Variants in MAP4 observed in about 807,000 individuals in gnomAD.
The protein encoded by MAP4 is microtubule-associated protein 4.
MAP4 carries 76 observed loss-of-function variants against 170.2 expected under a neutral mutation model. The observed-to-expected ratio is 0.45, with a 90% CI of 0.37 to 0.54. MAP4 has a LOEUF of 0.54. MAP4 is among the 20% of genes least tolerant of loss of function. The pLI is 0.00. For missense variants in MAP4, 2,506 were observed against 2,748.0 expected, an observed-to-expected ratio of 0.91 and a Z score of 1.97; for synonymous variants, 909 against 994.5, an observed-to-expected ratio of 0.91 and a Z score of 1.62.
intron 1 of MAP4, among the ~76,000 whole-genome samples, chr3:48,008,073 G>A (rs894721721): frequency 2.0e-5 from 3 of 152,214 alleles, no homozygotes; most frequent in Non-Finnish European, 2.9e-5. Context: ...TGAGCTGGGT[G>A]CTTTCAGACC....
At chr3:47,944,785 G>A (rs1182324741) in intron 3 of MAP4, among the ~76,000 whole-genome samples, 4 of 150,812 alleles carry the variant, frequency 2.7e-5, no homozygotes, top group Admixed American at 6.6e-5. Context: ...ATCCCCTATA[G>A]AAGAATCTAT....
At chr3:47,970,750 G>A (rs1487808224) in intron 3 of MAP4, among the ~76,000 whole-genome samples, 1 of 152,178 alleles carries the variant, frequency 6.6e-6, no homozygotes, top group African/African-American at 2.4e-5. Flanking sequence ...CTGGGAGACG[G>A]AGGTTGCAGT....
chr3:47,984,574 G>A (rs902585591), intron 2 of MAP4, among the ~76,000 whole-genome samples: 4 of 152,078 alleles, frequency 2.6e-5, no homozygotes, highest in African/African-American at 4.8e-5. Flanking sequence ...GCTCATGCCT[G>A]TAATCCTAGC....
chr3:47,950,593 C>A (rs940383297), intron 3 of MAP4, among the ~76,000 whole-genome samples: 122 of 151,414 alleles, frequency 8.1e-4, no homozygotes, highest in African/African-American at 8.2e-4. Context: ...AAAAAAAAAA[C>A]CAAAAACAAA....
chr3:47,863,931 T>TGGGTGTGG (rs2074099983), intron 17 of MAP4, among the ~76,000 whole-genome samples: 1 of 126,742 alleles, frequency 7.9e-6, no homozygotes, highest in African/African-American at 3.4e-5. Flanking sequence ...GGTGTGTGTG[T>TGGGTGTGG]GTGTGTGGGG....
At chr3:47,993,441 G>T (rs1578957653) in intron 2 of MAP4, among the ~76,000 whole-genome samples, 1 of 152,162 alleles carries the variant, frequency 6.6e-6, no homozygotes, top group East Asian at 1.9e-4. Flanking sequence ...AATTGAAGAG[G>T]ATTGACAATT....
chr3:47,915,135 T>A (rs1417924289), intron 7 of MAP4, among the ~76,000 whole-genome samples, 196 bp from the exon 8 acceptor site: 2 of 151,020 alleles, frequency 1.3e-5, no homozygotes, highest in Admixed American at 1.3e-4. Flanking sequence ...TTTTTTGAGA[T>A]GGAGTTTTTC....
chr3:47,990,132 A>G (rs573083326), intron 2 of MAP4, among the ~76,000 whole-genome samples: 3 of 152,320 alleles, frequency 2.0e-5, no homozygotes, highest in African/African-American at 4.8e-5. Context: ...ACCCATGCCA[A>G]CACTGCCCTC....
At chr3:47,983,190 C>T (rs2100086430) in intron 2 of MAP4, among the ~76,000 whole-genome samples, 1 of 152,072 alleles carries the variant, frequency 6.6e-6, no homozygotes. Flanking sequence ...CAGGCATGAG[C>T]CATGGCACCC....
chr3:47,930,530 T>A (rs140373586), intron 3 of MAP4, among the ~76,000 whole-genome samples: 3 of 151,144 alleles, frequency 2.0e-5, no homozygotes, highest in African/African-American at 7.3e-5. Flanking sequence ...AAAAGAGAAG[T>A]CATAGACTTC....
intron 1 of MAP4, among the ~76,000 whole-genome samples, chr3:48,074,719 T>TGTGTGA (rs1553754575): frequency 7.3e-5 from 11 of 150,044 alleles, no homozygotes; most frequent in African/African-American, 2.7e-4. Context: ...TGTGTGTGTG[T>TGTGTGA]GTGTGTGATA....
chr3:47,904,071 G>T (rs1232965560), intron 9 of MAP4, among the ~76,000 whole-genome samples: 1 of 152,078 alleles, frequency 6.6e-6, no homozygotes, highest in Non-Finnish European at 1.5e-5. Flanking sequence ...TTAAGTACCT[G>T]AAACTTCCGG....
intron 1 of MAP4, among the ~76,000 whole-genome samples, chr3:48,030,798 CAAAAAAA>C (rs71625847): frequency 2.2e-3 from 63 of 29,112 alleles, no homozygotes; most frequent in African/African-American, 6.5e-3. Flanking sequence ...GACTCCATCT[CAAAAAAA>C]AAAAAAAAAA....
At chr3:47,866,449 A>G (rs2080332384) in intron 17 of MAP4, among the ~76,000 whole-genome samples, 1 of 151,776 alleles carries the variant, frequency 6.6e-6, no homozygotes, top group Non-Finnish European at 1.5e-5. Context: ...GACAAAAAAA[A>G]GGAGAGCAGA....
chr3:47,999,548 T>C (rs1267611399), intron 1 of MAP4, among the ~76,000 whole-genome samples: 1 of 152,134 alleles, frequency 6.6e-6, no homozygotes, highest in Non-Finnish European at 1.5e-5. Context: ...ATGTCCTTTG[T>C]GGGAACATAG....
chr3:47,986,696 G>A (rs575016416), intron 2 of MAP4, among the ~76,000 whole-genome samples: 9 of 151,972 alleles, frequency 5.9e-5, no homozygotes, highest in African/African-American at 2.2e-4. Flanking sequence ...ATTTTGGTAC[G>A]ATATTTTTTT....
intron 1 of MAP4, among the ~76,000 whole-genome samples, chr3:48,078,662 T>C (rs1478497704): frequency 6.6e-6 from 1 of 152,036 alleles, no homozygotes; most frequent in Non-Finnish European, 1.5e-5. Flanking sequence ...TATCCCCCAC[T>C]TTCTCTGCTC....
At chr3:47,874,443 T>C (rs1480642127) in intron 12 of MAP4, among the ~76,000 whole-genome samples, 1 of 152,142 alleles carries the variant, frequency 6.6e-6, no homozygotes, top group Non-Finnish European at 1.5e-5. Context: ...CACTCCAGCC[T>C]GGGTGACAGA....
At chr3:47,934,716 C>T (rs1165688763) in intron 3 of MAP4, among the ~76,000 whole-genome samples, 6 of 151,896 alleles carry the variant, frequency 4.0e-5, no homozygotes, top group African/African-American at 1.5e-4. Context: ...TGTTTTTTTC[C>T]CCCAGTGGTA....
Sources: gnomAD v4.1 joint callset for allele counts (sites outside exome capture counted in the v4.1 genomes callset) on GRCh38, gnomAD v4.1.1 for gene constraint, MANE v1.5 for transcripts, NCBI Gene and HGNC (gene_info 2026-07-23, HGNC 2026-07-21) for gene names.